Variants in TOMM40 observed in about 807,000 individuals in gnomAD.
The protein encoded by TOMM40 is translocase of outer mitochondrial membrane 40, also known as mitochondrial import receptor subunit TOM40 homolog.
In TOMM40, 9 loss-of-function variants were observed where a neutral mutation model predicts 38.4. The ratio of observed to expected loss-of-function variants is 0.23; its 90% CI spans 0.14 to 0.41. TOMM40 has a LOEUF of 0.41. Among genes scored for constraint, TOMM40 ranks in the 10% least tolerant of loss-of-function variants. The pLI, the probability that TOMM40 is intolerant of heterozygous loss-of-function variation, is 1.00. For missense variants in TOMM40, 299 were observed against 486.5 expected, an observed-to-expected ratio of 0.61 and a Z score of 3.63; for synonymous variants, 184 against 210.0, an observed-to-expected ratio of 0.88 and a Z score of 1.07.
At chr19:44,893,373 T>C (rs187041862) in intron 3 of TOMM40, among the ~76,000 whole-genome samples, 1 of 152,204 alleles carries the variant, frequency 6.6e-6, no homozygotes, top group East Asian at 1.9e-4. Context: ...TGGGGGCTAG[T>C]TATTAGGAAG....
intron 5 of TOMM40, among the ~76,000 whole-genome samples, chr19:44,898,398 T>C (rs1369099606): frequency 6.6e-6 from 1 of 151,910 alleles, no homozygotes; most frequent in East Asian, 1.9e-4. Flanking sequence ...TCTCCACGTG[T>C]CTTCCTCTCC....
intron 5 of TOMM40, among the ~76,000 whole-genome samples, chr19:44,898,836 CCT>C: frequency 6.6e-6 from 1 of 151,888 alleles, no homozygotes; most frequent in Non-Finnish European, 1.5e-5. Flanking sequence ...CCGTGCCCAG[CCT>C]CTTTTTTTCT....
chr19:44,903,647 AAAAAC>A lies in TOMM40; in HGVS notation c.*483_*487del. The A allele has an allele frequency of 6.5e-6, 1 of 153,530 alleles. No homozygotes were observed. The highest frequency in any genetic ancestry group is 1.9e-4 in the East Asian group (1 of 5,202). The allele number at this position is 153,530 out of a possible 1,614,324, so 9.5% of individuals were successfully genotyped here. A position where few individuals can be genotyped will look rare whatever the true frequency, so the allele number is the denominator to read the frequency against. On this transcript the variant is annotated 3_prime_UTR_variant, in exon 9 of 9. Coordinates refer to ENST00000426677, the MANE Select transcript of TOMM40 (RefSeq NM_001128917.2). ...GAAGAACCGGGACATTTTACAGAAA[AAAAAC>A]AAAAAACAACAAAAAATATACGTGG...
intron 2 of TOMM40, 116 bp from the exon 3 acceptor site, chr19:44,892,721 G>A (rs376710544): frequency 1.1e-6 from 1 of 891,578 alleles, no homozygotes; most frequent in Non-Finnish European, 1.8e-6. Flanking sequence ...GAGTCTCTTA[G>A]TCAGGCCGTG....
chr19:44,898,965 T>C (rs1424492266), intron 5 of TOMM40, among the ~76,000 whole-genome samples: 1 of 151,400 alleles, frequency 6.6e-6, no homozygotes, highest in African/African-American at 2.4e-5. Flanking sequence ...ACCCCTTCTC[T>C]ACTAAAAATA....
At position 44,902,818 on chromosome 19, in the gene TOMM40, G is replaced by C; in HGVS notation, c.947-212G>C. ...ACCCAGGGGTCTAGAGGGCTTTTCA[G>C]AGGGCAGGGGTCACTGAGCGGAGAG... is the stretch of plus-strand genomic sequence containing the variant. On this transcript the variant is annotated intron_variant, in intron 8 of 8. Coordinates refer to ENST00000426677, the MANE Select transcript of TOMM40 (RefSeq NM_001128917.2). The C allele has an allele frequency of 7.2e-6, 4 of 557,204 alleles. No individual in the cohort carries two copies. The South Asian group carries it at 9.6e-5, about 13-fold the overall frequency. The allele number at this position is 557,204 out of a possible 1,614,324, so 34.5% of individuals were successfully genotyped here. A position where few individuals can be genotyped will look rare whatever the true frequency, so the allele number is the denominator to read the frequency against.
intron 5 of TOMM40, among the ~76,000 whole-genome samples, chr19:44,897,646 T>C (rs1969591106): frequency 6.6e-6 from 1 of 151,652 alleles, no homozygotes; most frequent in South Asian, 2.1e-4. Flanking sequence ...TCGTGGCACA[T>C]GCGTGTAATC....
intron 8 of TOMM40, 114 bp downstream of exon 8, chr19:44,901,424 C>T (rs1362695627): frequency 9.3e-6 from 14 of 1,510,146 alleles, no homozygotes; most frequent in African/African-American, 1.4e-5. Flanking sequence ...CTGTGGGCCT[C>T]CACATTACCA....
chr19:44,892,336 A>C, intron 1 of TOMM40, 57 bp from the exon 2 acceptor site: 360 of 1,494,004 alleles, frequency 2.4e-4, no homozygotes, highest in Non-Finnish European at 3.1e-4. Flanking sequence ...TAGGGAAGGA[A>C]GAGATGAGAG....
In TOMM40 at chr19:44,892,832, T is replaced by C; in HGVS notation, c.343-5T>C. The stretch of plus-strand genomic sequence containing the variant: ...GTATCGTCACAGCTCTCGCTTTCCT[T>C]CCAGGTCAACCACACAGTAGCCCTC... On this transcript the variant is annotated splice_region_variant and splice_polypyrimidine_tract_variant and intron_variant, in intron 2 of 8. Coordinates refer to ENST00000426677, the MANE Select transcript of TOMM40 (RefSeq NM_001128917.2). The C allele has an allele frequency of 6.2e-7, 1 of 1,612,260 alleles. No individual in the cohort carries two copies. The highest frequency in any genetic ancestry group is 8.5e-7 in the Non-Finnish European group (1 of 1,178,656).
chr19:44,894,107 G>A, intron 5 of TOMM40, 41 bp downstream of exon 5: 1 of 1,440,768 alleles, frequency 6.9e-7, no homozygotes, highest in Non-Finnish European at 9.3e-7. Context: ...CAAAACTGCA[G>A]TTCTGGCTTT....
chr19:44,900,770 C>T lies in TOMM40; in HGVS notation c.684C>T (p.Cys228=). ...ACTACCTCCAGAGCATCACGCCTTG[C>T]CTGGCCCTGGGTGGAGAGCTGGTCT... The part of the protein sequence containing the change: ...VAHYLQSITP[C]LALGGELVYH... The change falls in exon 6 of 9, where the codon TGC becomes TGT. Residue 228 remains cysteine (C), a synonymous_variant. Coordinates refer to ENST00000426677, the MANE Select transcript of TOMM40 (RefSeq NM_001128917.2). The T allele has an allele frequency of 1.2e-6, 2 of 1,613,302 alleles. No individual in the cohort carries two copies. The highest frequency in any genetic ancestry group is 2.7e-5 in the African/African-American group (2 of 75,048).
In TOMM40 at chr19:44,894,033, A is replaced by G. The variant is rs1599936866; in HGVS notation, c.610A>G (p.Thr204Ala). The change falls in exon 5 of 9, where the codon ACC (threonine) becomes GCC (alanine). Residue 204 changes from threonine (T) to alanine (A), a missense_variant. Thr to Ala is a moderately conservative substitution (Grantham distance 58). Coordinates refer to ENST00000426677, the MANE Select transcript of TOMM40 (RefSeq NM_001128917.2). ...GGGCTCTGACTTCACAGCAGCCGTC[A>G]CCCTGGGGAACCCAGACGTCCTCGT... ...YRGSDFTAAV[T>A]LGNPDVLVGS... 2.0e-6 allele frequency: 3 copies of G among 1,526,288 alleles called. No individual in the cohort carries two copies. Among genetic ancestry groups the G allele is most frequent in the Non-Finnish European group, 8.8e-7 (1 of 1,134,872 alleles). 94.5% of individuals were successfully genotyped at this position (1,526,288 alleles called of 1,614,324 possible). A position where few individuals can be genotyped will look rare whatever the true frequency, so the allele number is the denominator to read the frequency against.
At position 44,894,056 on chromosome 19, in the gene TOMM40, C is replaced by T. The variant is rs777267625; in HGVS notation, c.633C>T (p.Leu211=). The T allele has an allele frequency of 1.5e-5, 22 of 1,513,180 alleles. No homozygotes were observed. The highest frequency in any genetic ancestry group is 1.5e-5 in the Non-Finnish European group (17 of 1,129,480). The allele number at this position is 1,513,180 out of a possible 1,614,324, so 93.7% of individuals were successfully genotyped here. ...TCACCCTGGGGAACCCAGACGTCCTCGTGGGTTCAGGTAAGAGGCGGAGGG... is the reference window on the plus strand; with the variant it reads ...TCACCCTGGGGAACCCAGACGTCCTTGTGGGTTCAGGTAAGAGGCGGAGGG... The part of the protein sequence containing the change: ...AAVTLGNPDV[L]VGSGILVAHY... The change falls in exon 5 of 9, where the codon CTC becomes CTT. Residue 211 remains leucine, a synonymous_variant. Transcript: ENST00000426677.
At chr19:44,898,552 G>A (rs1442417651) in intron 5 of TOMM40, among the ~76,000 whole-genome samples, 1 of 109,976 alleles carries the variant, frequency 9.1e-6, no homozygotes, top group Non-Finnish European at 1.7e-5. Context: ...GTCTTTTTGA[G>A]ATGAAGTCTT....
At chr19:44,901,718 C>G (rs1417298388) in intron 8 of TOMM40, 2 of 229,516 alleles carry the variant, frequency 8.7e-6, no homozygotes, top group Non-Finnish European at 1.7e-5. Context: ...GCCTGGGTGA[C>G]AGAGCAAGAC....
intron 5 of TOMM40, among the ~76,000 whole-genome samples, 195 bp downstream of exon 5, chr19:44,894,261 CTTTT>C (rs35647923): frequency 7.5e-6 from 1 of 133,660 alleles, no homozygotes; most frequent in Non-Finnish European, 1.6e-5. Context: ...TCAGAGCAGT[CTTTT>C]TTTTTTTTTT....
chr19:44,893,737 C>T (rs1307502460), intron 3 of TOMM40, 43 bp from the exon 4 acceptor site: 1 of 1,555,602 alleles, frequency 6.4e-7, no homozygotes, highest in East Asian at 2.3e-5. Flanking sequence ...CATACTTGCA[C>T]AGTGCACCAC....
At chr19:44,892,969 T>C in intron 3 of TOMM40, 40 bp downstream of exon 3, 1 of 1,548,872 alleles carries the variant, frequency 6.5e-7, no homozygotes, top group Non-Finnish European at 8.9e-7. Context: ...ATCCTTCTAA[T>C]AACAAATTTG....
Sources: allele counts gnomAD v4.1 joint callset (sites outside exome capture counted in the v4.1 genomes callset), GRCh38; gene constraint gnomAD v4.1.1; transcripts MANE v1.5; gene names NCBI Gene and HGNC (gene_info 2026-07-23, HGNC 2026-07-21).